ANO3: variants seen among roughly 807,000 people sequenced by gnomAD.
The protein encoded by ANO3 is anoctamin 3, also known as anoctamin-3.
A neutral mutation model predicts 144.8 loss-of-function variants in ANO3; 99 were observed. The ratio of observed to expected loss-of-function variants is 0.68; its 90% CI spans 0.58 to 0.81. ANO3 has a LOEUF of 0.81. Among genes scored for constraint, ANO3 ranks in the 30% least tolerant of loss-of-function variants. The probability of loss-of-function intolerance (pLI) is 0.00; values close to 1 mark genes in which losing one functional copy is unlikely to be tolerated. For missense variants in ANO3, 905 were observed against 1,202.2 expected, an observed-to-expected ratio of 0.75 and a Z score of 3.66; for synonymous variants, 414 against 392.6, an observed-to-expected ratio of 1.05 and a Z score of -0.64.
chr11:26,399,194 A>C (rs948874105), intron 1 of ANO3, among the ~76,000 whole-genome samples: 2 of 151,700 alleles, frequency 1.3e-5, no homozygotes, highest in Non-Finnish European at 2.9e-5. Context: ...TCCTTCATCT[A>C]TCATTCTTTT....
intron 1 of ANO3, among the ~76,000 whole-genome samples, chr11:26,225,736 A>G (rs1451469396): frequency 6.6e-6 from 1 of 152,176 alleles, no homozygotes; most frequent in East Asian, 1.9e-4. Flanking sequence ...CTAATTTCTC[A>G]GGCTTCTTTT....
intron 1 of ANO3, among the ~76,000 whole-genome samples, chr11:26,346,922 C>T (rs1209205697): frequency 6.6e-6 from 1 of 152,128 alleles, no homozygotes; most frequent in African/African-American, 2.4e-5. Flanking sequence ...AATTTGAAAG[C>T]AAGCAAAACA....
intron 1 of ANO3, among the ~76,000 whole-genome samples, chr11:26,363,942 G>A (rs1224041148): frequency 1.3e-5 from 2 of 152,096 alleles, no homozygotes; most frequent in Non-Finnish European, 2.9e-5. Context: ...CAAAGTTCAA[G>A]TGCCTACTTG....
intron 17 of ANO3, among the ~76,000 whole-genome samples, chr11:26,605,434 G>A (rs1308117214): frequency 6.6e-6 from 1 of 152,082 alleles, no homozygotes; most frequent in Non-Finnish European, 1.5e-5. Flanking sequence ...GATGATTCTG[G>A]CCTCATAAAA....
At chr11:26,622,966 G>T (rs1162933565) in intron 17 of ANO3, among the ~76,000 whole-genome samples, 1 of 152,146 alleles carries the variant, frequency 6.6e-6, no homozygotes, top group Non-Finnish European at 1.5e-5. Flanking sequence ...CTATCCTATT[G>T]TACTCCTTGG....
chr11:26,298,742 G>A (rs1854150031), intron 1 of ANO3, among the ~76,000 whole-genome samples: 1 of 152,182 alleles, frequency 6.6e-6, no homozygotes, highest in African/African-American at 2.4e-5. Context: ...ACAATAGATG[G>A]TGGCAGTGGA....
At position 26,625,819 on chromosome 11, in the gene ANO3, C is replaced by T. The variant is rs907084777; in HGVS notation, c.1873+1321C>T. Among the ~76,000 whole-genome samples, 25 of 152,070 alleles carry T rather than the reference C, an allele frequency of 1.6e-4. 1 individual carries two copies. The highest frequency in any genetic ancestry group is 5.9e-5 in the Non-Finnish European group (4 of 68,008). ...TACTTTCATAAACACTCTGGGAATT[C>T]CTTTTATATTTTTCTAGAATTTGGA... On this transcript the variant is annotated intron_variant, in intron 18 of 26. Coordinates refer to ENST00000256737, the MANE Select transcript of ANO3 (RefSeq NM_031418.4).
chr11:26,500,092 T>TA (rs138674746), intron 4 of ANO3, among the ~76,000 whole-genome samples: 10,384 of 152,076 alleles, frequency 0.068, 509 homozygotes, highest in Non-Finnish European at 0.1. Context: ...GTTCTTTCAT[T>TA]TAGTAACATT....
intron 5 of ANO3, 87 bp downstream of exon 5, chr11:26,508,349 A>T (rs763746681): frequency 9.9e-6 from 12 of 1,211,840 alleles, no homozygotes; most frequent in Non-Finnish European, 1.4e-5. Context: ...AATATGTATC[A>T]CATGACTTTA....
chr11:26,517,000 A>C, intron 6 of ANO3, 73 bp downstream of exon 6: 5 of 772,222 alleles, frequency 6.5e-6, no homozygotes. Context: ...ACCTTAGAGC[A>C]ACAAATGCAA....
Position 26,411,558 on chromosome 11 carries a change from T to C in ANO3, c.47-30360T>C, listed in dbSNP as rs755443087. ...CATTCTGAGAAGTCTTGTCTTTTAC[T>C]GAATCAAATCAAAACACTTAGGAAT... On this transcript the variant is annotated intron_variant, in intron 1 of 26. Transcript: ENST00000256737. 2.4e-4 allele frequency among the ~76,000 whole-genome samples: 36 copies of C among 151,998 alleles called. 1 individual carries two copies. The highest frequency in any genetic ancestry group is 1.4e-3 in the Admixed American group (22 of 15,222).
intron 14 of ANO3, among the ~76,000 whole-genome samples, chr11:26,594,849 G>C (rs1315917873): frequency 6.6e-6 from 1 of 152,164 alleles, no homozygotes; most frequent in African/African-American, 2.4e-5. Context: ...CTACAAAGGA[G>C]ATCTAGCTGT....
At chr11:26,353,798 G>A (rs1445274826) in intron 1 of ANO3, among the ~76,000 whole-genome samples, 4 of 152,220 alleles carry the variant, frequency 2.6e-5, no homozygotes, top group South Asian at 2.1e-4. Flanking sequence ...TCGATCTCCT[G>A]ACCTCGTGAT....
At chr11:26,348,790 A>G (rs190663725) in intron 1 of ANO3, among the ~76,000 whole-genome samples, 1 of 152,222 alleles carries the variant, frequency 6.6e-6, no homozygotes, top group East Asian at 1.9e-4. Flanking sequence ...TGCTCTCCCA[A>G]GACGTCACAT....
upstream of ANO3, among the ~76,000 whole-genome samples, chr11:26,327,785 A>T (rs1854925048): frequency 6.6e-6 from 1 of 152,236 alleles, no homozygotes; most frequent in South Asian, 2.1e-4. Context: ...CTGTCATGCA[A>T]TCACTACAAT....
chr11:26,441,877 T>C (rs200226061), intron 1 of ANO3, 41 bp from the exon 2 acceptor site: 1 of 1,514,884 alleles, frequency 6.6e-7, no homozygotes, highest in East Asian at 2.3e-5. Context: ...CCTCTACTGA[T>C]TGATTTTTTA....
chr11:26,654,636 A>T (rs1289044145), intron 24 of ANO3, among the ~76,000 whole-genome samples: 2 of 152,116 alleles, frequency 1.3e-5, no homozygotes, highest in East Asian at 3.9e-4. Flanking sequence ...TTGAATAGAA[A>T]TAGTTACAAG....
At chr11:26,213,960 T>C (rs1189645408) in intron 1 of ANO3, among the ~76,000 whole-genome samples, 1 of 152,038 alleles carries the variant, frequency 6.6e-6, no homozygotes, top group African/African-American at 2.4e-5. Context: ...TATTTAAGTA[T>C]TTATTGATGT....
At chr11:26,192,638 G>A (rs887411175) in intron 1 of ANO3, among the ~76,000 whole-genome samples, 1 of 151,924 alleles carries the variant, frequency 6.6e-6, no homozygotes, top group African/African-American at 2.4e-5. Flanking sequence ...CTTAAATTCC[G>A]TGCATTAGAA....
Sources: allele counts gnomAD v4.1 joint callset (sites outside exome capture counted in the v4.1 genomes callset), GRCh38; gene constraint gnomAD v4.1.1; transcripts MANE v1.5; gene names NCBI Gene and HGNC (gene_info 2026-07-23, HGNC 2026-07-21).